The following FILIP1L variants were observed in gnomAD, a reference collection of about 807,000 sequenced individuals.
FILIP1L encodes the protein filamin A interacting protein 1 like.
FILIP1L carries 55 observed loss-of-function variants against 96.6 expected under a neutral mutation model. That is an observed-to-expected ratio of 0.57 (90% CI 0.46 to 0.71). The LOEUF (loss-of-function observed/expected upper bound fraction) is 0.71. FILIP1L is among the 30% of genes least tolerant of loss of function. The pLI, the probability that FILIP1L is intolerant of heterozygous loss-of-function variation, is 0.00. For missense variants in FILIP1L, 1,304 were observed against 1,321.2 expected, an observed-to-expected ratio of 0.99 and a Z score of 0.20; for synonymous variants, 467 against 473.9, an observed-to-expected ratio of 0.99 and a Z score of 0.19.
intron 1 of FILIP1L, among the ~76,000 whole-genome samples, chr3:100,021,934 T>G (rs2064825779): frequency 1.6e-5 from 2 of 124,062 alleles, no homozygotes; most frequent in South Asian, 6.2e-4. Flanking sequence ...TGTGTGTGTG[T>G]GTGTGTGTGT....
intron 1 of FILIP1L, among the ~76,000 whole-genome samples, chr3:99,978,895 AAGAAGC>A (rs1178847795): frequency 6.6e-6 from 1 of 152,174 alleles, no homozygotes; most frequent in East Asian, 1.9e-4. Context: ...ACAAAAAAAA[AAGAAGC>A]AGAAGTAGGG....
intron 1 of FILIP1L, among the ~76,000 whole-genome samples, chr3:99,974,416 A>T (rs1708908765): frequency 6.6e-6 from 1 of 152,142 alleles, no homozygotes; most frequent in Non-Finnish European, 1.5e-5. Flanking sequence ...AGGAATAAAA[A>T]CTCATTATTT....
intron 1 of FILIP1L, among the ~76,000 whole-genome samples, chr3:99,960,821 C>G (rs1006692135): frequency 6.6e-6 from 1 of 152,078 alleles, no homozygotes; most frequent in African/African-American, 2.4e-5. Context: ...GCCCTTGGCT[C>G]TAAAGCTCTG....
chr3:99,875,095 G>A (rs1705443785), intron 4 of FILIP1L, among the ~76,000 whole-genome samples: 1 of 152,174 alleles, frequency 6.6e-6, no homozygotes, highest in South Asian at 2.1e-4. Context: ...ACCAGATAAG[G>A]ATTGAATGAT....
chr3:100,005,806 C>G (rs980093084), intron 1 of FILIP1L, among the ~76,000 whole-genome samples: 1 of 152,050 alleles, frequency 6.6e-6, no homozygotes, highest in Non-Finnish European at 1.5e-5. Context: ...TATTATTGCC[C>G]AAGAGAGGAA....
intron 1 of FILIP1L, among the ~76,000 whole-genome samples, chr3:100,078,453 A>G (rs1271854699): frequency 6.6e-6 from 1 of 152,218 alleles, no homozygotes; most frequent in Non-Finnish European, 1.5e-5. Flanking sequence ...TCCAAAATGT[A>G]GTCGTTTAAA....
chr3:100,021,996 A>G (rs1022698462), intron 1 of FILIP1L, among the ~76,000 whole-genome samples: 10 of 143,714 alleles, frequency 7.0e-5, no homozygotes, highest in African/African-American at 1.1e-4. Flanking sequence ...AGAGAGAGAT[A>G]TGAGGGGGGC....
At chr3:99,922,269 G>A (rs1198584910) in intron 4 of FILIP1L, among the ~76,000 whole-genome samples, 1 of 152,116 alleles carries the variant, frequency 6.6e-6, no homozygotes, top group Non-Finnish European at 1.5e-5. Context: ...AAACCACAGG[G>A]GTTCAAAATA....
At chr3:99,835,971 T>C (rs1479805621) in intron 5 of FILIP1L, among the ~76,000 whole-genome samples, 2 of 152,076 alleles carry the variant, frequency 1.3e-5, no homozygotes, top group Non-Finnish European at 2.9e-5. Flanking sequence ...GGATAGTTAG[T>C]ATGGTGTCCT....
chr3:99,982,087 G>A (rs1032845747), intron 1 of FILIP1L, among the ~76,000 whole-genome samples: 5 of 152,050 alleles, frequency 3.3e-5, no homozygotes, highest in Admixed American at 6.5e-5. Context: ...CTTTTGTGAC[G>A]GTTGTTAGTC....
At chr3:100,061,044 T>G (rs1255185341) in intron 1 of FILIP1L, among the ~76,000 whole-genome samples, 5 of 152,026 alleles carry the variant, frequency 3.3e-5, no homozygotes, top group African/African-American at 1.2e-4. Flanking sequence ...GCCCCAAGAT[T>G]TATTAGCAGG....
chr3:100,101,572 T>C (rs1206280944), intron 1 of FILIP1L, among the ~76,000 whole-genome samples: 2 of 152,146 alleles, frequency 1.3e-5, no homozygotes, highest in African/African-American at 4.8e-5. Context: ...ACACATGCAC[T>C]CTCTGATCCA....
intron 1 of FILIP1L, among the ~76,000 whole-genome samples, chr3:100,014,648 A>G (rs937835568): frequency 6.6e-6 from 1 of 151,914 alleles, no homozygotes; most frequent in Non-Finnish European, 1.5e-5. Context: ...CTTTTGAGAA[A>G]TGTCTTTTCA....
Position 100,066,555 on chromosome 3 carries a change from G to A in FILIP1L, c.-11+47498C>T, listed in dbSNP as rs1205861964. 1.8e-4 allele frequency among the ~76,000 whole-genome samples: 13 copies of A among 73,302 alleles called. 2 individuals are homozygous for A. Among genetic ancestry groups the A allele is most frequent in the East Asian group, 8.0e-4 (2 of 2,514 alleles). 48.1% of individuals were successfully genotyped at this position (73,302 alleles called of 152,430 possible). On this transcript the variant is annotated intron_variant, in intron 1 of 5. Transcript: ENST00000477258. ...TTTTTTTTTTTTTTTTTTTTGAGAC[G>A]GAGTCTCGCTCTGTCGCCCAGGCTG...
intron 4 of FILIP1L, among the ~76,000 whole-genome samples, chr3:99,921,984 A>C (rs1707138389): frequency 6.6e-6 from 1 of 152,182 alleles, no homozygotes; most frequent in South Asian, 2.1e-4. Flanking sequence ...AGCCCTCTCC[A>C]GCCTTCCTCC....
intron 1 of FILIP1L, among the ~76,000 whole-genome samples, chr3:99,940,489 C>T (rs1341668979): frequency 1.3e-5 from 2 of 152,188 alleles, no homozygotes; most frequent in Non-Finnish European, 2.9e-5. Context: ...GTCCAATCCC[C>T]TTACACTGTA....
chr3:100,027,786 A>G (rs1486635899), intron 1 of FILIP1L, among the ~76,000 whole-genome samples: 1 of 152,196 alleles, frequency 6.6e-6, no homozygotes, highest in Admixed American at 6.6e-5. Flanking sequence ...GCAAGCAATA[A>G]GTCAGAGGAA....
At chr3:100,001,041 T>TCA (rs140690767) in intron 1 of FILIP1L, among the ~76,000 whole-genome samples, 25 of 151,854 alleles carry the variant, frequency 1.6e-4, no homozygotes, top group South Asian at 1.3e-3. Context: ...GTTCTATATT[T>TCA]CACACACACA....
Position 99,996,865 on chromosome 3 carries a change from TGA to T in FILIP1L, c.-10-65837_-10-65836del, listed in dbSNP as rs1257143755. On this transcript the variant is annotated intron_variant, in intron 1 of 5. Coordinates refer to ENST00000477258, the MANE Select transcript of FILIP1L (RefSeq NM_001387850.1). ...GGAATTATGGGAGTACAATTCAAGA[TGA>T]GATTTGGGTGGGGACACAGCCAAAC... Among the ~76,000 whole-genome samples the T allele has an allele frequency of 2.0e-5, 3 of 151,158 alleles. No homozygotes were observed. In the East Asian group the frequency reaches 5.8e-4, roughly 29 times the overall value.
Sources: allele counts gnomAD v4.1 joint callset (sites outside exome capture counted in the v4.1 genomes callset), GRCh38; gene constraint gnomAD v4.1.1; transcripts MANE v1.5; gene names NCBI Gene and HGNC (gene_info 2026-07-23, HGNC 2026-07-21).